Variants in GRIP1 observed in about 807,000 individuals in gnomAD.
GRIP1 encodes the protein glutamate receptor interacting protein 1.
GRIP1 carries 45 observed loss-of-function variants against 129.9 expected under a neutral mutation model. That is an observed-to-expected ratio of 0.35 (90% CI 0.27 to 0.44). The LOEUF is 0.44. Ranked by LOEUF, GRIP1 falls within the 20% of genes least tolerant of loss-of-function variation. The probability of loss-of-function intolerance (pLI) is 1.00; values close to 1 mark genes in which losing one functional copy is unlikely to be tolerated. For missense variants in GRIP1, 1,196 were observed against 1,396.8 expected, an observed-to-expected ratio of 0.86 and a Z score of 2.29; for synonymous variants, 530 against 520.8, an observed-to-expected ratio of 1.02 and a Z score of -0.24.
intron 1 of GRIP1, among the ~76,000 whole-genome samples, chr12:66,762,288 T>C (rs1184792594): frequency 1.3e-5 from 2 of 152,156 alleles, no homozygotes; most frequent in Admixed American, 6.5e-5. Context: ...GCAATTTACC[T>C]GGCCCCAAGG....
rs935898128 is a variant in GRIP1, at chr12:66,772,071, T to C, written c.-420+31982A>G. Among the ~76,000 whole-genome samples, 34 of 152,252 alleles carry C rather than the reference T, an allele frequency of 2.2e-4. 1 individual carries two copies. Among genetic ancestry groups the C allele is most frequent in the African/African-American group, 8.2e-4 (34 of 41,472 alleles). On this transcript the variant is annotated intron_variant, in intron 1 of 4. Coordinates refer to the GRIP1 transcript ENST00000538373. Reference sequence around the variant, plus strand: ...GCAGATATTTTACATGGTTATCTCATTTGGTCCTCTAACAGCCCCATGAGA... The same window carrying C: ...GCAGATATTTTACATGGTTATCTCACTTGGTCCTCTAACAGCCCCATGAGA...
At chr12:66,565,963 A>G (rs532239168) in intron 2 of GRIP1, among the ~76,000 whole-genome samples, 21 of 152,244 alleles carry the variant, frequency 1.4e-4, no homozygotes, top group Admixed American at 1.2e-3. Flanking sequence ...ATTTTTGTAC[A>G]TTGATTTTGT....
intron 1 of GRIP1, among the ~76,000 whole-genome samples, chr12:67,061,570 T>C (rs1365229255): frequency 1.3e-5 from 2 of 152,130 alleles, no homozygotes; most frequent in African/African-American, 2.4e-5. Context: ...CCCTACCCAA[T>C]TGCATTACCA....
chr12:66,420,274 A>G (rs1180474228), intron 15 of GRIP1, among the ~76,000 whole-genome samples: 2 of 152,156 alleles, frequency 1.3e-5, no homozygotes, highest in African/African-American at 4.8e-5. Context: ...TTTTGATGGT[A>G]TATGGGCCAA....
chr12:66,699,045 C>T (rs771567090), intron 1 of GRIP1, among the ~76,000 whole-genome samples: 9 of 152,046 alleles, frequency 5.9e-5, no homozygotes, highest in Non-Finnish European at 1.0e-4. Flanking sequence ...TCACATCATC[C>T]AGCCCTCATC....
At chr12:66,573,238 C>T (rs1265254394) in intron 2 of GRIP1, among the ~76,000 whole-genome samples, 3 of 152,032 alleles carry the variant, frequency 2.0e-5, no homozygotes, top group Non-Finnish European at 4.4e-5. Context: ...GAACTGAATT[C>T]GGCCAACAAC....
At chr12:66,807,400 G>A (rs751537027), upstream of GRIP1, among the ~76,000 whole-genome samples, 24 of 151,922 alleles carry the variant, frequency 1.6e-4, no homozygotes, top group African/African-American at 2.2e-4. Context: ...CTGGCCAGGC[G>A]CGGTGGCTCA....
At chr12:66,570,512 TC>T (rs950630267) in intron 2 of GRIP1, among the ~76,000 whole-genome samples, 1 of 152,064 alleles carries the variant, frequency 6.6e-6, no homozygotes, top group South Asian at 2.1e-4. Context: ...CTCTTATTCC[TC>T]CACATAAGAT....
intron 1 of GRIP1, among the ~76,000 whole-genome samples, chr12:66,869,034 T>C (rs927016738): frequency 2.6e-5 from 4 of 152,124 alleles, no homozygotes; most frequent in Non-Finnish European, 5.9e-5. Context: ...TACAGTGCTC[T>C]AGACACACCA....
intron 7 of GRIP1, among the ~76,000 whole-genome samples, chr12:66,493,006 A>AAAAC (rs148165279): frequency 2.2e-4 from 33 of 151,184 alleles, no homozygotes; most frequent in South Asian, 4.2e-4. Flanking sequence ...ACTCTGTCTC[A>AAAAC]AAACAAACAA....
intron 19 of GRIP1, among the ~76,000 whole-genome samples, chr12:66,391,366 TCA>T (rs2056579201): frequency 6.6e-6 from 1 of 152,236 alleles, no homozygotes; most frequent in South Asian, 2.1e-4. Context: ...ATGCTACGGA[TCA>T]CTGGGAAGAA....
At chr12:66,644,937 T>A (rs1336809642) in intron 1 of GRIP1, among the ~76,000 whole-genome samples, 1 of 152,182 alleles carries the variant, frequency 6.6e-6, no homozygotes, top group Non-Finnish European at 1.5e-5. Flanking sequence ...ATACAGTCTT[T>A]AAAAGACCAT....
chr12:66,478,510 C>T (rs1442193139), intron 7 of GRIP1, among the ~76,000 whole-genome samples: 1 of 152,106 alleles, frequency 6.6e-6, no homozygotes, highest in Non-Finnish European at 1.5e-5. Context: ...CCATTTGACC[C>T]AGCCATCCCA....
intron 1 of GRIP1, among the ~76,000 whole-genome samples, chr12:67,032,121 C>T (rs1336460562): frequency 1.3e-5 from 2 of 152,256 alleles, no homozygotes; most frequent in East Asian, 3.9e-4. Context: ...AATCTATAGG[C>T]TTTTCGTTGT....
intron 1 of GRIP1, among the ~76,000 whole-genome samples, chr12:66,961,722 G>T (rs1249957426): frequency 5.9e-5 from 9 of 151,974 alleles, no homozygotes; most frequent in Admixed American, 5.9e-4. Flanking sequence ...ATAGGCATTT[G>T]TTTAGTGTCT....
chr12:66,573,985 C>G (rs1696281813), intron 2 of GRIP1, among the ~76,000 whole-genome samples: 1 of 152,196 alleles, frequency 6.6e-6, no homozygotes, highest in South Asian at 2.1e-4. Flanking sequence ...TCCATATGAG[C>G]TGAAATATTT....
chr12:67,021,975 G>T (rs1356433824), intron 1 of GRIP1, among the ~76,000 whole-genome samples: 2 of 152,152 alleles, frequency 1.3e-5, no homozygotes, highest in African/African-American at 4.8e-5. Flanking sequence ...TGCTGTGAAA[G>T]ACAGCATTTT....
intron 1 of GRIP1, among the ~76,000 whole-genome samples, chr12:66,761,195 A>G (rs976623000): frequency 2.6e-5 from 4 of 151,834 alleles, no homozygotes; most frequent in Non-Finnish European, 4.4e-5. Context: ...CCTTTCCTCT[A>G]TCCCAAGCAT....
intron 1 of GRIP1, among the ~76,000 whole-genome samples, chr12:66,977,852 A>C (rs1417838354): frequency 1.0e-5 from 1 of 96,856 alleles, no homozygotes; most frequent in African/African-American, 4.3e-5. Context: ...TTGCTCTTTC[A>C]TCCAGTTTGG....
Sources: allele counts gnomAD v4.1 joint callset (sites outside exome capture counted in the v4.1 genomes callset), GRCh38; gene constraint gnomAD v4.1.1; transcripts MANE v1.5; gene names NCBI Gene and HGNC (gene_info 2026-07-23, HGNC 2026-07-21).